ARHGEF38: variants seen among roughly 807,000 people sequenced by gnomAD.
ARHGEF38 encodes the protein Rho guanine nucleotide exchange factor (GEF) 38.
A neutral mutation model predicts 79.9 loss-of-function variants in ARHGEF38; 79 were observed. That is an observed-to-expected ratio of 0.99 (90% confidence interval 0.82 to 1.19). The LOEUF is 1.19. Ranked by LOEUF, ARHGEF38 falls within the 50% of genes most tolerant of loss-of-function variation. The pLI is 0.00. For synonymous variants in ARHGEF38, 366 were observed against 328.3 expected (o/e 1.11, Z -1.24); for missense variants, 962 against 907.2 (o/e 1.06, Z -0.78).
At chr4:105,627,538 G>A (rs1197171666) in intron 3 of ARHGEF38, among the ~76,000 whole-genome samples, 1 of 152,176 alleles carries the variant, frequency 6.6e-6, no homozygotes, top group African/African-American at 2.4e-5. Context: ...TTAAAAGGGT[G>A]CATTTTTTTT....
chr4:105,636,836 T>G (rs1344519191), intron 5 of ARHGEF38, among the ~76,000 whole-genome samples: 3 of 152,122 alleles, frequency 2.0e-5, no homozygotes, highest in African/African-American at 7.2e-5. Flanking sequence ...ATGAAAATAT[T>G]AGATTTCTTC....
At chr4:105,633,626 C>T (rs560787686) in intron 4 of ARHGEF38, among the ~76,000 whole-genome samples, 15 of 152,166 alleles carry the variant, frequency 9.9e-5, no homozygotes, top group Admixed American at 2.6e-4. Flanking sequence ...TGGCTTCATG[C>T]CTCAGAAGTT....
chr4:105,622,586 C>T (rs941730515), intron 3 of ARHGEF38, among the ~76,000 whole-genome samples: 7 of 152,018 alleles, frequency 4.6e-5, no homozygotes, highest in East Asian at 3.9e-4. Context: ...CAGGGTTTGA[C>T]CAAAAAGGGG....
intron 1 of ARHGEF38, among the ~76,000 whole-genome samples, chr4:105,556,632 C>T (rs1725263956): frequency 6.6e-6 from 1 of 152,056 alleles, no homozygotes; most frequent in African/African-American, 2.4e-5. Context: ...CCTCCCTTTT[C>T]TCTCCCTCCC....
intron 10 of ARHGEF38, 91 bp from the exon 11 acceptor site, chr4:105,666,083 ACCT>A (rs1730738417): frequency 8.9e-7 from 1 of 1,122,846 alleles, no homozygotes; most frequent in Non-Finnish European, 1.2e-6. Flanking sequence ...GCTACCATAT[ACCT>A]CCTCAACTGT....
chr4:105,598,944 T>C (rs1447865978), intron 2 of ARHGEF38, among the ~76,000 whole-genome samples: 1 of 152,194 alleles, frequency 6.6e-6, no homozygotes, highest in Non-Finnish European at 1.5e-5. Context: ...TGTTAATACA[T>C]AATATCTAAC....
intron 2 of ARHGEF38, among the ~76,000 whole-genome samples, chr4:105,600,662 T>A (rs1727782571): frequency 6.6e-6 from 1 of 152,152 alleles, no homozygotes; most frequent in African/African-American, 2.4e-5. Flanking sequence ...CCTTTGTTTC[T>A]CCAATTCCCC....
At chr4:105,660,434 CTT>C (rs561329360) in intron 10 of ARHGEF38, among the ~76,000 whole-genome samples, 66 of 139,680 alleles carry the variant, frequency 4.7e-4, no homozygotes, top group Admixed American at 4.3e-4. Flanking sequence ...CTTCCTCATT[CTT>C]TTTTTTTTTT....
intron 3 of ARHGEF38, 148 bp from the exon 4 acceptor site, chr4:105,630,746 ATCAC>A: frequency 2.0e-6 from 1 of 498,368 alleles, no homozygotes; most frequent in Non-Finnish European, 3.3e-6. Context: ...GGAAAAAAAA[ATCAC>A]TCAATGTTTT....
intron 1 of ARHGEF38, among the ~76,000 whole-genome samples, chr4:105,584,513 T>G (rs1412184118): frequency 6.6e-6 from 1 of 152,178 alleles, no homozygotes; most frequent in African/African-American, 2.4e-5. Flanking sequence ...CAGGAAGAGC[T>G]AAGTAACTTG....
intron 10 of ARHGEF38, among the ~76,000 whole-genome samples, chr4:105,661,861 T>C (rs570996661): frequency 6.6e-6 from 1 of 152,134 alleles, no homozygotes; most frequent in Non-Finnish European, 1.5e-5. Flanking sequence ...TTCTTTTGTG[T>C]ATTAACCTGT....
At chr4:105,553,429 C>A (rs868754703) in intron 1 of ARHGEF38, among the ~76,000 whole-genome samples, 1 of 152,098 alleles carries the variant, frequency 6.6e-6, no homozygotes, top group African/African-American at 2.4e-5. Flanking sequence ...AAACTATAAT[C>A]GTGTCTGTGA....
chr4:105,612,711 C>CT (rs1728342823), intron 2 of ARHGEF38, among the ~76,000 whole-genome samples: 1 of 152,070 alleles, frequency 6.6e-6, no homozygotes, highest in Admixed American at 6.6e-5. Context: ...AGTCTGGATT[C>CT]TTTCGTAATT....
intron 1 of ARHGEF38, among the ~76,000 whole-genome samples, chr4:105,579,152 T>C (rs1164388633): frequency 1.3e-5 from 2 of 152,130 alleles, no homozygotes; most frequent in African/African-American, 2.4e-5. Flanking sequence ...ACCAGGACTA[T>C]GGGGTTTCCT....
chr4:105,627,255 C>G (rs550732504), intron 3 of ARHGEF38, among the ~76,000 whole-genome samples: 1 of 152,054 alleles, frequency 6.6e-6, no homozygotes, highest in Non-Finnish European at 1.5e-5. Flanking sequence ...AAACAAAACC[C>G]GGGACAAGGA....
At chr4:105,594,969 A>G (rs1450361600) in intron 2 of ARHGEF38, among the ~76,000 whole-genome samples, 4 of 152,228 alleles carry the variant, frequency 2.6e-5, no homozygotes, top group African/African-American at 9.6e-5. Flanking sequence ...TTTGGCTATA[A>G]GTCAAAGTAA....
intron 1 of ARHGEF38, among the ~76,000 whole-genome samples, chr4:105,558,724 C>G (rs549265527): frequency 6.6e-6 from 1 of 152,092 alleles, no homozygotes; most frequent in East Asian, 1.9e-4. Flanking sequence ...CTACTACTAC[C>G]ATATTGTGAT....
chr4:105,565,472 G>A (rs954434882), intron 1 of ARHGEF38, among the ~76,000 whole-genome samples: 2 of 152,170 alleles, frequency 1.3e-5, no homozygotes, highest in Non-Finnish European at 2.9e-5. Flanking sequence ...GGGCAGATAT[G>A]AAATTGGCAG....
rs563271718 is a variant in ARHGEF38, at chr4:105,677,816, A to G, written c.2213A>G (p.Gln738Arg). 1 of 1,534,884 alleles carries G rather than the reference A, an allele frequency of 6.5e-7. No individual in the cohort carries two copies. The highest frequency in any genetic ancestry group is 2.0e-5 in the Admixed American group (1 of 50,984). The change falls in exon 14 of 14, where the codon CAG (glutamine) becomes CGG (arginine). Residue 738 changes from glutamine (Q) to arginine (R), a missense_variant. Gln to Arg is a conservative substitution (Grantham distance 43). Transcript: ENST00000420470. ...CATGAACTCAGCCTTCAGGAATACCAGAGAGTTCATATACTCAGGTTTTGT... is the reference window on the plus strand; with the variant it reads ...CATGAACTCAGCCTTCAGGAATACCGGAGAGTTCATATACTCAGGTTTTGT... The part of the protein sequence containing the change: ...SDHELSLQEY[Q>R]RVHILRFCDL...
Sources: allele counts gnomAD v4.1 joint callset (sites outside exome capture counted in the v4.1 genomes callset), GRCh38; gene constraint gnomAD v4.1.1; transcripts MANE v1.5; gene names NCBI Gene and HGNC (gene_info 2026-07-23, HGNC 2026-07-21).